The following FBRSL1 variants were observed in gnomAD, a reference collection of about 807,000 sequenced individuals.
FBRSL1 encodes the protein fibrosin like 1.
A neutral mutation model predicts 89.6 loss-of-function variants in FBRSL1; 51 were observed. The ratio of observed to expected loss-of-function variants is 0.57; its 90% confidence interval spans 0.45 to 0.72. The LOEUF (loss-of-function observed/expected upper bound fraction) is 0.72, where lower values mean the gene tolerates loss of function less well. FBRSL1 is among the 30% of genes least tolerant of loss of function. FBRSL1 has a pLI of 0.00. For synonymous variants in FBRSL1, 779 were observed against 681.1 expected, an observed-to-expected ratio of 1.14 and a Z score of -2.24; for missense variants, 1,618 against 1,451.8, an observed-to-expected ratio of 1.11 and a Z score of -1.86.
chr12:132,504,018 G>T (rs1054216835), intron 1 of FBRSL1, among the ~76,000 whole-genome samples: 2 of 152,114 alleles, frequency 1.3e-5, no homozygotes, highest in African/African-American at 4.8e-5. Flanking sequence ...GATCCCTGGG[G>T]GTTCCAGGCC....
chr12:132,579,927 G>A (rs1300612054), intron 15 of FBRSL1, among the ~76,000 whole-genome samples: 1 of 152,138 alleles, frequency 6.6e-6, no homozygotes, highest in Admixed American at 6.5e-5. Context: ...AGTAACGCGA[G>A]TGTTTCCAGT....
rs1566193867 is a variant in FBRSL1 at position 132,555,415 on chromosome 12, GCGTGAGCATGGCCTCCACGGTAGCTGCGC to G, written c.645+7385_645+7413del. The stretch of plus-strand genomic sequence containing the variant: ...CCTCCACGGTAGCCGCCCCACCCGA[GCGTGAGCATGGCCTCCACGGTAGCTGCGC>G]CACCGGAGCGTGAGCGTGGCCTCCA... On this transcript the variant is annotated intron_variant, in intron 5 of 18. Transcript: ENST00000680143. Among the ~76,000 whole-genome samples the G allele has an allele frequency of 7.8e-4, 112 of 144,198 alleles. 1 individual carries two copies. The highest frequency in any genetic ancestry group is 1.2e-3 in the African/African-American group (46 of 37,434). The allele number at this position is 144,198 out of a possible 152,430, so 94.6% of individuals were successfully genotyped here.
At chr12:132,513,764 A>G (rs1344638387) in intron 2 of FBRSL1, among the ~76,000 whole-genome samples, 1 of 152,148 alleles carries the variant, frequency 6.6e-6, no homozygotes, top group African/African-American at 2.4e-5. Flanking sequence ...GATGGGTGAC[A>G]CTGAGACTGT....
chr12:132,549,965 A>G (rs2038009057), intron 5 of FBRSL1, among the ~76,000 whole-genome samples: 1 of 152,194 alleles, frequency 6.6e-6, no homozygotes, highest in Admixed American at 6.5e-5. Context: ...AAGCAGCCCC[A>G]GGGGAGATGA....
chr12:132,536,398 A>C (rs1317190263), intron 4 of FBRSL1, among the ~76,000 whole-genome samples: 1 of 148,364 alleles, frequency 6.7e-6, no homozygotes, highest in Admixed American at 6.7e-5. Context: ...TGTACATGAC[A>C]ATATGATTCT....
At chr12:132,531,173 G>GCCCAGGAGCAGGACAGGA (rs139946264) in intron 4 of FBRSL1, among the ~76,000 whole-genome samples, 14 of 151,578 alleles carry the variant, frequency 9.2e-5, no homozygotes, top group South Asian at 8.4e-4. Flanking sequence ...TGGGACGCAT[G>GCCCAGGAGCAGGACAGGA]CCCAGGAGCA....
chr12:132,500,467 CCT>C (rs1369593596), intron 1 of FBRSL1, among the ~76,000 whole-genome samples: 1 of 152,154 alleles, frequency 6.6e-6, no homozygotes, highest in Non-Finnish European at 1.5e-5. Flanking sequence ...ATGGGGCCGG[CCT>C]CTCTGCTCCC....
chr12:132,581,083 T>C, intron 15 of FBRSL1: 1 of 985,480 alleles, frequency 1.0e-6, no homozygotes, highest in Non-Finnish European at 1.2e-6. Context: ...AGGTGAAAGC[T>C]CTGAGATAAA....
chr12:132,551,933 C>G (rs1472893369), intron 5 of FBRSL1: 12 of 297,032 alleles, frequency 4.0e-5, no homozygotes, highest in Admixed American at 8.4e-5. Context: ...ACGGCCACCT[C>G]CAGGGATGGC....
chr12:132,584,446 A>G lies in FBRSL1; in HGVS notation c.*668A>G, dbSNP rs1342926049. Reference sequence around the variant, plus strand: ...GATAGACTTTATAAAAACCGTTTCCAGAAACCCCTCTGGTTGTTTGTCTAA... The same window carrying G: ...GATAGACTTTATAAAAACCGTTTCCGGAAACCCCTCTGGTTGTTTGTCTAA... On this transcript the variant is annotated 3_prime_UTR_variant, in exon 19 of 19. Coordinates refer to ENST00000680143, the MANE Select transcript of FBRSL1 (RefSeq NM_001367871.1). The G allele has an allele frequency of 2.0e-5, 3 of 152,252 alleles. No individual in the cohort carries two copies. Among genetic ancestry groups the G allele is most frequent in the African/African-American group, 7.2e-5 (3 of 41,464 alleles). 9.4% of individuals were successfully genotyped at this position (152,252 alleles called of 1,614,324 possible). A position where few individuals can be genotyped will look rare whatever the true frequency, so the allele number is the denominator to read the frequency against.
chr12:132,558,664 C>T (rs910181332), intron 5 of FBRSL1, among the ~76,000 whole-genome samples: 2 of 152,242 alleles, frequency 1.3e-5, no homozygotes, highest in Non-Finnish European at 2.9e-5. Context: ...ACGTTGGCGC[C>T]TTTGGGAGCA....
intron 15 of FBRSL1, among the ~76,000 whole-genome samples, chr12:132,579,272 G>C (rs1263611331): frequency 6.6e-6 from 1 of 152,210 alleles, no homozygotes; most frequent in Non-Finnish European, 1.5e-5. Flanking sequence ...TTTCACTGGA[G>C]TTGGGTTAAA....
chr12:132,492,912 T>G (rs1254741237), intron 1 of FBRSL1, among the ~76,000 whole-genome samples: 1 of 152,338 alleles, frequency 6.6e-6, no homozygotes, highest in African/African-American at 2.4e-5. Context: ...AGTATGGTGG[T>G]TTTTCCCCAA....
In FBRSL1 at chr12:132,583,057, C is replaced by G. The variant is rs1269031561; in HGVS notation, c.2288C>G (p.Ala763Gly). The G allele has an allele frequency of 1.4e-6, 2 of 1,447,946 alleles. No individual in the cohort carries two copies. Among genetic ancestry groups the G allele is most frequent in the Admixed American group, 5.3e-5 (2 of 37,536 alleles). The allele number at this position is 1,447,946 out of a possible 1,614,324, so 89.7% of individuals were successfully genotyped here. A position where few individuals can be genotyped will look rare whatever the true frequency, so the allele number is the denominator to read the frequency against. Residue 763 changes from alanine (A) to glycine (G), a missense_variant, in exon 19 of 19, where the codon GCC (alanine) becomes GGC (glycine). Ala to Gly is a moderately conservative substitution (Grantham distance 60). Coordinates refer to ENST00000680143, the MANE Select transcript of FBRSL1 (RefSeq NM_001367871.1). ...CCCGTCAGCGGCCTCCTGCTCCGGG[C>G]CCAGAGCGAGCTGGGCCGGTCCGGG... ...GHPVSGLLLR[A>G]QSELGRSGAP...
chr12:132,566,938 A>G (rs941833660), intron 5 of FBRSL1, among the ~76,000 whole-genome samples: 1 of 152,148 alleles, frequency 6.6e-6, no homozygotes, highest in African/African-American at 2.4e-5. Context: ...CCGGCCCGGG[A>G]GCATAGCGAG....
chr12:132,541,901 C>G (rs1340402116), intron 4 of FBRSL1, among the ~76,000 whole-genome samples: 1 of 123,400 alleles, frequency 8.1e-6, no homozygotes, highest in Non-Finnish European at 2.0e-5. Flanking sequence ...GCTGCTCCCC[C>G]CACCACCCCG....
chr12:132,528,613 A>G (rs1404263135), intron 4 of FBRSL1, among the ~76,000 whole-genome samples: 4 of 113,412 alleles, frequency 3.5e-5, no homozygotes, highest in South Asian at 3.2e-4. Context: ...GCCTGGGGGG[A>G]GCGGGTGTGT....
rs917893865 is a variant in FBRSL1 at position 132,581,794 on chromosome 12, G to A, written c.1966G>A (p.Ala656Thr). Residue 656 changes from alanine (A) to threonine (T), a missense_variant, in exon 17 of 19, where the codon GCC (alanine) becomes ACC (threonine). Coordinates refer to ENST00000680143, the MANE Select transcript of FBRSL1 (RefSeq NM_001367871.1). ...GGGCCTGGGCAGCCTGAGCAGCCAC[G>A]CCTTTGGGGGCCTGGGCAGCCATGC... The part of the protein sequence containing the change: ...FGGLGSLSSH[A>T]FGGLGSHALA... 2.0e-5 allele frequency: 31 copies of A among 1,548,848 alleles called. No homozygotes were observed. Among genetic ancestry groups the A allele is most frequent in the Admixed American group, 3.9e-5 (2 of 50,826 alleles).
At chr12:132,528,341 G>T (rs1169356081) in intron 4 of FBRSL1, among the ~76,000 whole-genome samples, 1 of 152,158 alleles carries the variant, frequency 6.6e-6, no homozygotes, top group East Asian at 1.9e-4. Flanking sequence ...GGATCCGCGG[G>T]GCCAAGGCCG....
Sources: allele counts gnomAD v4.1 joint callset (sites outside exome capture counted in the v4.1 genomes callset), GRCh38; gene constraint gnomAD v4.1.1; transcripts MANE v1.5; gene names NCBI Gene and HGNC (gene_info 2026-07-23, HGNC 2026-07-21).